Variants in PPP1R13B observed in about 807,000 individuals in gnomAD.
The protein encoded by PPP1R13B is apoptosis-stimulating of p53 protein 1.
In PPP1R13B, 44 loss-of-function variants were observed where a neutral mutation model predicts 119.8. That is an observed-to-expected ratio of 0.37 (90% CI 0.29 to 0.47). PPP1R13B has a LOEUF of 0.47. Ranked by LOEUF, PPP1R13B falls within the 20% of genes least tolerant of loss-of-function variation. The probability of loss-of-function intolerance (pLI) is 0.99; values close to 1 mark genes in which losing one functional copy is unlikely to be tolerated. For missense variants in PPP1R13B, 1,227 were observed against 1,413.5 expected (o/e 0.87, Z 2.12); for synonymous variants, 542 against 561.5 (o/e 0.97, Z 0.49).
intron 5 of PPP1R13B, among the ~76,000 whole-genome samples, chr14:103,755,120 T>C (rs1017941538): frequency 6.6e-6 from 1 of 151,978 alleles, no homozygotes. Flanking sequence ...CCAGTTAATA[T>C]AAGCGCTTCT....
chr14:103,828,134 A>T lies in PPP1R13B; in HGVS notation c.9+19165T>A, dbSNP rs529069281. Among the ~76,000 whole-genome samples, 3 of 152,232 alleles carry T rather than the reference A, an allele frequency of 2.0e-5. No homozygotes were observed. The East Asian group carries it at 5.8e-4, about 29-fold the overall frequency. On this transcript the variant is annotated intron_variant, in intron 1 of 16. Coordinates refer to ENST00000202556, the MANE Select transcript of PPP1R13B (RefSeq NM_015316.3). ...GTAATCCCAGCACTGTAGGAGGCCG[A>T]GGTGGGTGGATCACCCAAGGTCAGG...
chr14:103,813,600 T>C (rs1380219107), intron 1 of PPP1R13B, among the ~76,000 whole-genome samples: 1 of 152,204 alleles, frequency 6.6e-6, no homozygotes, highest in African/African-American at 2.4e-5. Flanking sequence ...CCGCCATGAT[T>C]GTAAGTTCCT....
chr14:103,807,652 G>A (rs750727723), intron 1 of PPP1R13B, among the ~76,000 whole-genome samples: 7 of 151,940 alleles, frequency 4.6e-5, no homozygotes, highest in African/African-American at 1.2e-4. Flanking sequence ...CTGCCACCAC[G>A]CCCGGCTAAT....
chr14:103,810,196 G>A (rs1206088771), intron 1 of PPP1R13B, among the ~76,000 whole-genome samples: 1 of 152,040 alleles, frequency 6.6e-6, no homozygotes, highest in Non-Finnish European at 1.5e-5. Context: ...GGCTGAGGCA[G>A]GTGGATCATG....
At chr14:103,772,664 T>C (rs75236152) in intron 4 of PPP1R13B, among the ~76,000 whole-genome samples, 3,847 of 149,260 alleles carry the variant, frequency 0.026, 139 homozygotes, top group African/African-American at 0.083. Context: ...ATCTTTCACC[T>C]GTTTCTTTTT....
intron 4 of PPP1R13B, among the ~76,000 whole-genome samples, chr14:103,770,512 C>CT (rs34644924): frequency 0.022 from 3,337 of 150,752 alleles, 116 homozygotes; most frequent in African/African-American, 0.077. Context: ...AAGACACTGT[C>CT]TTAAAAAAAA....
chr14:103,776,600 C>T (rs1418417787), intron 4 of PPP1R13B, among the ~76,000 whole-genome samples: 3 of 152,084 alleles, frequency 2.0e-5, no homozygotes, highest in Non-Finnish European at 2.9e-5. Context: ...AGGCTGGGCG[C>T]GATGGCTCAC....
intron 1 of PPP1R13B, among the ~76,000 whole-genome samples, chr14:103,816,754 G>A (rs1320785746): frequency 2.6e-5 from 4 of 151,418 alleles, no homozygotes; most frequent in Non-Finnish European, 5.9e-5. Flanking sequence ...CTTAATGTCT[G>A]CAAATACCAA....
intron 4 of PPP1R13B, among the ~76,000 whole-genome samples, chr14:103,776,191 A>C (rs1200213149): frequency 1.2e-5 from 1 of 82,026 alleles, no homozygotes; most frequent in Non-Finnish European, 2.9e-5. Context: ...GGAGGGAGGA[A>C]GGAAGGAAGG....
intron 1 of PPP1R13B, 110 bp downstream of exon 1, chr14:103,847,189 C>A (rs2152093879): frequency 9.8e-7 from 1 of 1,024,432 alleles, no homozygotes; most frequent in Non-Finnish European, 1.2e-6. Flanking sequence ...TCCTTCCCCG[C>A]CCGCCCGGCC....
At chr14:103,804,782 C>T (rs1487832899) in intron 1 of PPP1R13B, among the ~76,000 whole-genome samples, 4 of 151,926 alleles carry the variant, frequency 2.6e-5, no homozygotes, top group African/African-American at 4.8e-5. Flanking sequence ...ATCAAAGAGA[C>T]AGACAATCAC....
intron 3 of PPP1R13B, among the ~76,000 whole-genome samples, chr14:103,782,653 T>C (rs1288077327): frequency 1.3e-5 from 2 of 152,242 alleles, no homozygotes; most frequent in Admixed American, 6.5e-5. Context: ...GTTTTAATCT[T>C]TGCCAATGTG....
intron 8 of PPP1R13B, among the ~76,000 whole-genome samples, chr14:103,748,475 G>A (rs573585058): frequency 6.6e-6 from 1 of 152,214 alleles, no homozygotes; most frequent in Non-Finnish European, 1.5e-5. Flanking sequence ...CAGAGCAGTA[G>A]AGGCTAACAA....
At chr14:103,756,673 TCTTGAA>T (rs2084684676) in intron 5 of PPP1R13B, among the ~76,000 whole-genome samples, 1 of 152,184 alleles carries the variant, frequency 6.6e-6, no homozygotes, top group African/African-American at 2.4e-5. Context: ...GCTGCTTTCT[TCTTGAA>T]CATTAATACC....
chr14:103,737,911 G>T, intron 14 of PPP1R13B, 51 bp from the exon 15 acceptor site: 2 of 1,556,468 alleles, frequency 1.3e-6, no homozygotes, highest in Non-Finnish European at 1.7e-6. Context: ...CTGTCCTGTA[G>T]GACGTGGCCC....
intron 2 of PPP1R13B, 112 bp from the exon 3 acceptor site, chr14:103,785,026 G>A (rs2085426171): frequency 1.1e-6 from 1 of 908,028 alleles, no homozygotes; most frequent in African/African-American, 1.7e-5. Flanking sequence ...ATGTCTACAT[G>A]TTACAATTCA....
chr14:103,795,499 CACCA>C (rs1300802433), intron 2 of PPP1R13B, among the ~76,000 whole-genome samples: 1 of 152,138 alleles, frequency 6.6e-6, no homozygotes, highest in African/African-American at 2.4e-5. Flanking sequence ...ACAAGGATGG[CACCA>C]ACCGAGTGAC....
At position 103,739,885 on chromosome 14, in the gene PPP1R13B, C is replaced by G. The variant is rs35098798; in HGVS notation, c.2531G>C (p.Gly844Ala). The G allele has an allele frequency of 2.5e-6, 4 of 1,613,736 alleles. No homozygotes were observed. The highest frequency in any genetic ancestry group is 1.6e-4 in the Middle Eastern group (1 of 6,082). ...AGGTGCTGGAGGGACCTGCTCTTCCCCTGGAGATGGGGCCTCAGCCACAGG... is the reference window on the plus strand; with the variant it reads ...AGGTGCTGGAGGGACCTGCTCTTCCGCTGGAGATGGGGCCTCAGCCACAGG... The part of the protein sequence containing the change: ...PSPVAEAPSP[G>A]EEQVPPAPLP... The change falls in exon 12 of 17, where the codon GGG becomes GCG. Residue 844 changes from glycine to alanine, a missense_variant. By Grantham distance (60) the Gly-to-Ala change is moderately conservative. Coordinates refer to ENST00000202556, the MANE Select transcript of PPP1R13B (RefSeq NM_015316.3).
At chr14:103,847,770 G>A, upstream of PPP1R13B, 1 of 388,190 alleles carries the variant, frequency 2.6e-6, no homozygotes, top group Non-Finnish European at 3.5e-6. Flanking sequence ...GCTCCCGGCG[G>A]CGGGGGAGGG....
Sources: gnomAD v4.1 joint callset for allele counts (sites outside exome capture counted in the v4.1 genomes callset) on GRCh38, gnomAD v4.1.1 for gene constraint, MANE v1.5 for transcripts, NCBI Gene and HGNC (gene_info 2026-07-23, HGNC 2026-07-21) for gene names.